GRID1: variants seen among roughly 807,000 people sequenced by gnomAD.
The protein encoded by GRID1 is glutamate ionotropic receptor delta type subunit 1.
A neutral mutation model predicts 98.0 loss-of-function variants in GRID1; 28 were observed. The ratio of observed to expected loss-of-function variants is 0.29; its 90% CI spans 0.21 to 0.39. The LOEUF (loss-of-function observed/expected upper bound fraction) is 0.39, where lower values mean the gene tolerates loss of function less well. GRID1 is among the 10% of genes least tolerant of loss of function. The pLI, the probability that GRID1 is intolerant of heterozygous loss-of-function variation, is 1.00. For synonymous variants in GRID1, 553 were observed against 538.5 expected, an observed-to-expected ratio of 1.03 and a Z score of -0.37; for missense variants, 1,111 against 1,340.5, an observed-to-expected ratio of 0.83 and a Z score of 2.67.
chr10:85,957,890 C>A (rs1842215551), intron 4 of GRID1, among the ~76,000 whole-genome samples: 1 of 152,226 alleles, frequency 6.6e-6, no homozygotes, highest in Admixed American at 6.5e-5. Context: ...GCAGCCTCTG[C>A]AAACCTGGCT....
chr10:86,234,062 A>G (rs1846498376), intron 2 of GRID1, among the ~76,000 whole-genome samples: 1 of 152,068 alleles, frequency 6.6e-6, no homozygotes, highest in Non-Finnish European at 1.5e-5. Flanking sequence ...CTTCAGGACT[A>G]GGGACAGGAA....
intron 2 of GRID1, among the ~76,000 whole-genome samples, chr10:86,328,015 G>T (rs890964312): frequency 3.3e-5 from 5 of 149,924 alleles, no homozygotes; most frequent in African/African-American, 1.2e-4. Flanking sequence ...TTAAGGGGGG[G>T]TATCTGTTAA....
chr10:86,003,107 T>C (rs1044012245), intron 4 of GRID1, among the ~76,000 whole-genome samples: 1 of 152,224 alleles, frequency 6.6e-6, no homozygotes, highest in African/African-American at 2.4e-5. Flanking sequence ...AGAACCAGAC[T>C]AACCCAGAAC....
chr10:85,626,783 T>C (rs1842919322), intron 13 of GRID1, among the ~76,000 whole-genome samples: 1 of 152,172 alleles, frequency 6.6e-6, no homozygotes, highest in Non-Finnish European at 1.5e-5. Flanking sequence ...TGCCAAATTG[T>C]AAGATTCAAC....
intron 9 of GRID1, among the ~76,000 whole-genome samples, chr10:85,729,077 A>C (rs1029360987): frequency 6.6e-6 from 1 of 152,174 alleles, no homozygotes. Context: ...TTCATTCTGA[A>C]CTTGTGTCAC....
chr10:85,804,508 T>C (rs1238404128), intron 8 of GRID1, among the ~76,000 whole-genome samples: 2 of 151,866 alleles, frequency 1.3e-5, no homozygotes, highest in Non-Finnish European at 3.0e-5. Flanking sequence ...TCCTAACTCA[T>C]TTTATATGAC....
At chr10:85,684,180 G>A (rs1411040942) in intron 12 of GRID1, among the ~76,000 whole-genome samples, 1 of 152,134 alleles carries the variant, frequency 6.6e-6, no homozygotes. Flanking sequence ...AATTAATTGT[G>A]TTAAGATATT....
intron 2 of GRID1, among the ~76,000 whole-genome samples, chr10:86,307,709 G>A (rs958365536): frequency 6.6e-6 from 1 of 152,140 alleles, no homozygotes; most frequent in African/African-American, 2.4e-5. Context: ...AAAGAAAAAT[G>A]TTAACTATAT....
chr10:86,259,436 A>G (rs1846978562), intron 2 of GRID1, among the ~76,000 whole-genome samples: 1 of 152,230 alleles, frequency 6.6e-6, no homozygotes, highest in South Asian at 2.1e-4. Context: ...AGAAAGTTGA[A>G]TGTCTCTGAA....
intron 8 of GRID1, among the ~76,000 whole-genome samples, chr10:85,811,998 A>G (rs143944349): frequency 4.6e-5 from 7 of 152,340 alleles, no homozygotes; most frequent in Admixed American, 1.3e-4. Context: ...TTAGACCAAC[A>G]GTAGGTTTCT....
chr10:86,322,817 C>T (rs904451272), intron 2 of GRID1, among the ~76,000 whole-genome samples: 2 of 151,304 alleles, frequency 1.3e-5, no homozygotes, highest in East Asian at 3.9e-4. Flanking sequence ...GACAGCCAGG[C>T]ACGGTGGCTC....
At chr10:85,895,540 C>T (rs769670691) in intron 5 of GRID1, among the ~76,000 whole-genome samples, 1 of 152,132 alleles carries the variant, frequency 6.6e-6, no homozygotes, top group Non-Finnish European at 1.5e-5. Flanking sequence ...ATTTCATCCA[C>T]AAGCCATCAC....
intron 4 of GRID1, among the ~76,000 whole-genome samples, chr10:85,933,156 C>G (rs10887537): frequency 1.3e-5 from 2 of 152,060 alleles, no homozygotes; most frequent in African/African-American, 4.8e-5. Context: ...CTCACTCTCT[C>G]TTACCCTCTC....
chr10:85,744,521 T>C (rs1016915391), intron 8 of GRID1, among the ~76,000 whole-genome samples: 1 of 144,316 alleles, frequency 6.9e-6, no homozygotes, highest in Non-Finnish European at 1.5e-5. Context: ...TAGCCATATG[T>C]AGAAAGCTGA....
chr10:86,149,128 G>A (rs1741133284), intron 3 of GRID1, among the ~76,000 whole-genome samples: 1 of 152,220 alleles, frequency 6.6e-6, no homozygotes, highest in Non-Finnish European at 1.5e-5. Flanking sequence ...GAAGGGAGGT[G>A]CCATCCTGAC....
chr10:86,342,931 G>T (rs943846346), intron 2 of GRID1, among the ~76,000 whole-genome samples: 1 of 152,230 alleles, frequency 6.6e-6, no homozygotes, highest in Non-Finnish European at 1.5e-5. Context: ...TGGTGTATAT[G>T]CCCAAGGCCA....
intron 5 of GRID1, among the ~76,000 whole-genome samples, chr10:85,879,320 T>C (rs571322629): frequency 2.7e-3 from 407 of 152,234 alleles, no homozygotes; most frequent in African/African-American, 9.1e-3. Context: ...GAATATACAT[T>C]CTTTTCAGCA....
At position 85,999,834 on chromosome 10, in the gene GRID1, G is replaced by T. The variant is rs185814866; in HGVS notation, c.727-83595C>A. The stretch of plus-strand genomic sequence containing the variant: ...AGAGAACTTCCTCAACTTGATAAAA[G>T]GTATCTATTTCTAAAACCTATGTCT... On this transcript the variant is annotated intron_variant, in intron 4 of 15. Transcript: ENST00000327946. 1.2e-4 allele frequency among the ~76,000 whole-genome samples: 18 copies of T among 152,178 alleles called. No individual in the cohort carries two copies. The East Asian group carries it at 3.3e-3, about 28-fold the overall frequency.
intron 12 of GRID1, among the ~76,000 whole-genome samples, chr10:85,678,566 C>T (rs1841171202): frequency 6.6e-6 from 1 of 152,160 alleles, no homozygotes; most frequent in Non-Finnish European, 1.5e-5. Context: ...GTGGTCTCTG[C>T]ACCATATCTC....
Sources: gnomAD v4.1 joint callset for allele counts (sites outside exome capture counted in the v4.1 genomes callset) on GRCh38, gnomAD v4.1.1 for gene constraint, MANE v1.5 for transcripts, NCBI Gene and HGNC (gene_info 2026-07-23, HGNC 2026-07-21) for gene names.